Variants in BAZ1A observed in about 807,000 individuals in gnomAD.
BAZ1A encodes the protein bromodomain adjacent to zinc finger domain 1A, also known as bromodomain adjacent to zinc finger domain protein 1A.
BAZ1A carries 50 observed loss-of-function variants against 185.2 expected under a neutral mutation model. The ratio of observed to expected loss-of-function variants is 0.27; its 90% confidence interval spans 0.22 to 0.34. The LOEUF is 0.34. Among genes scored for constraint, BAZ1A ranks in the 10% least tolerant of loss-of-function variants. The pLI is 1.00. For synonymous variants in BAZ1A, 571 were observed against 615.6 expected (o/e 0.93, Z 1.07); for missense variants, 1,356 against 1,839.9 (o/e 0.74, Z 4.81).
In BAZ1A at chr14:34,832,228, A is replaced by ATG. The variant is rs1555343262; in HGVS notation, c.393-6073_393-6072insCA. Reference sequence around the variant, plus strand: ...CACACACACACACATATATATATATATATGTATGTATGTATATTTCCTAAC... The same window carrying ATG: ...CACACACACACACATATATATATATATGTATGTATGTATGTATATTTCCTAAC... On this transcript the variant is annotated intron_variant, in intron 3 of 26. Coordinates refer to ENST00000360310, the MANE Select transcript of BAZ1A (RefSeq NM_013448.3). Among the ~76,000 whole-genome samples the ATG allele has an allele frequency of 4.3e-4, 61 of 143,450 alleles. 3 individuals carry two copies. Among genetic ancestry groups the ATG allele is most frequent in the African/African-American group, 1.3e-3 (52 of 38,928 alleles). 94.1% of individuals were successfully genotyped at this position (143,450 alleles called of 152,430 possible). A position where few individuals can be genotyped will look rare whatever the true frequency, so the allele number is the denominator to read the frequency against.
At chr14:34,850,303 G>A (rs952767615) in intron 3 of BAZ1A, among the ~76,000 whole-genome samples, 8 of 152,000 alleles carry the variant, frequency 5.3e-5, no homozygotes, top group African/African-American at 1.2e-4. Flanking sequence ...GCCTGAGCCC[G>A]GGAAATGGAA....
At chr14:34,860,499 C>T (rs1256938339) in intron 3 of BAZ1A, among the ~76,000 whole-genome samples, 1 of 121,930 alleles carries the variant, frequency 8.2e-6, no homozygotes, top group Admixed American at 8.7e-5. Context: ...CAGAGCCAGA[C>T]CTCATCTATA....
At chr14:34,872,221 A>G (rs1251800473) in intron 2 of BAZ1A, among the ~76,000 whole-genome samples, 2 of 152,222 alleles carry the variant, frequency 1.3e-5, no homozygotes, top group Non-Finnish European at 2.9e-5. Context: ...ATAAGGGAAA[A>G]AACAAAAATT....
chr14:34,859,714 TCTTAC>T (rs2042738302), intron 3 of BAZ1A, among the ~76,000 whole-genome samples: 1 of 152,220 alleles, frequency 6.6e-6, no homozygotes, highest in South Asian at 2.1e-4. Context: ...TTTTTACTAT[TCTTAC>T]CTTACTTACT....
chr14:34,836,622 A>G (rs1247335230), intron 3 of BAZ1A, among the ~76,000 whole-genome samples: 1 of 151,884 alleles, frequency 6.6e-6, no homozygotes, highest in Non-Finnish European at 1.5e-5. Flanking sequence ...TGCCTCATTA[A>G]CCTTTATTTT....
chr14:34,792,824 T>G lies in BAZ1A; in HGVS notation c.1461A>C (p.Glu487Asp). The change falls in exon 12 of 27, where the codon GAA (glutamate) becomes GAC (aspartate). Residue 487 changes from glutamate to aspartate, a missense_variant. Physicochemically the swap from Glu to Asp is conservative, Grantham distance 45 (BLOSUM62 2). Around this residue, in one of 7 missense-constraint regions of BAZ1A, gnomAD observed 184 missense variants for 355.1 expected, o/e 0.52. Transcript: ENST00000360310. ...FLTAIFQAIA[E>D]EEEEVAKEQL... ...GCTCTTTGGCTACTTCCTCTTCTTC[T>G]TCAGCTATTGCCTGGAAGATTGCAG... 1 of 1,614,016 alleles carries G rather than the reference T, an allele frequency of 6.2e-7. No individual in the cohort carries two copies. The highest frequency in any genetic ancestry group is 8.5e-7 in the Non-Finnish European group (1 of 1,179,994).
Position 34,807,398 on chromosome 14 carries a change from C to T in BAZ1A, c.726+53G>A, listed in dbSNP as rs962390575. On this transcript the variant is annotated intron_variant, in intron 6 of 26. Transcript: ENST00000360310. ...TTTCAGCAATGTTATAACTTTATAACACTACCCATTTTGTTTTCTGTCTTC... is the reference window on the plus strand; with the variant it reads ...TTTCAGCAATGTTATAACTTTATAATACTACCCATTTTGTTTTCTGTCTTC... The T allele has an allele frequency of 2.4e-5, 32 of 1,311,036 alleles. No homozygotes were observed. In the Admixed American group the frequency reaches 5.0e-4, roughly 21 times the overall value. 81.2% of individuals were successfully genotyped at this position (1,311,036 alleles called of 1,614,324 possible). A position where few individuals can be genotyped will look rare whatever the true frequency, so the allele number is the denominator to read the frequency against.
At chr14:34,805,826 A>G (rs886715417) in intron 6 of BAZ1A, among the ~76,000 whole-genome samples, 2 of 149,260 alleles carry the variant, frequency 1.3e-5, no homozygotes, top group Non-Finnish European at 1.5e-5. Flanking sequence ...TGCGTTCTTC[A>G]TTGTATTTAC....
chr14:34,812,938 C>A (rs980274960), intron 4 of BAZ1A, among the ~76,000 whole-genome samples: 2 of 151,746 alleles, frequency 1.3e-5, no homozygotes, highest in Non-Finnish European at 2.9e-5. Flanking sequence ...TAAATATGCA[C>A]CTGTACTATA....
At chr14:34,831,021 A>G (rs996733666) in intron 3 of BAZ1A, among the ~76,000 whole-genome samples, 1 of 152,108 alleles carries the variant, frequency 6.6e-6, no homozygotes, top group East Asian at 1.9e-4. Context: ...ATTAACTACA[A>G]ATATTCTAAG....
chr14:34,817,232 C>T (rs2042019673), intron 4 of BAZ1A, among the ~76,000 whole-genome samples: 1 of 148,132 alleles, frequency 6.8e-6, no homozygotes, highest in African/African-American at 2.6e-5. Flanking sequence ...ATCAATACAC[C>T]CCCCCCCAAA....
chr14:34,875,243 C>T lies in BAZ1A; in HGVS notation c.-164G>A, dbSNP rs1594928086. The T allele has an allele frequency of 2.2e-6, 1 of 454,232 alleles. No homozygotes were observed. The highest frequency in any genetic ancestry group is 4.4e-6 in the Non-Finnish European group (1 of 226,182). The allele number at this position is 454,232 out of a possible 1,614,324, so 28.1% of individuals were successfully genotyped here. A position where few individuals can be genotyped will look rare whatever the true frequency, so the allele number is the denominator to read the frequency against. On this transcript the variant is annotated 5_prime_UTR_variant, in exon 1 of 27. Coordinates refer to ENST00000360310, the MANE Select transcript of BAZ1A (RefSeq NM_013448.3). ...GCCTCTCTCCGGCCCCGCCGCGCCC[C>T]TGGCTGCCGCTTCTCCCGCTGCCAC...
chr14:34,841,264 C>T (rs2042410280), intron 3 of BAZ1A, among the ~76,000 whole-genome samples: 1 of 152,186 alleles, frequency 6.6e-6, no homozygotes, highest in African/African-American at 2.4e-5. Context: ...AAAATGTAAA[C>T]ATCAGCCCAT....
chr14:34,757,118 A>C (rs550055952), intron 25 of BAZ1A, among the ~76,000 whole-genome samples: 9 of 152,304 alleles, frequency 5.9e-5, no homozygotes, highest in Admixed American at 5.9e-4. Context: ...TAATCCCAGC[A>C]CTTTGGGAGG....
chr14:34,803,607 G>T (rs1881696004), intron 6 of BAZ1A, among the ~76,000 whole-genome samples: 1 of 143,828 alleles, frequency 7.0e-6, no homozygotes, highest in South Asian at 2.3e-4. Flanking sequence ...AATTTGTTTT[G>T]CTTTGACAAA....
intron 9 of BAZ1A, among the ~76,000 whole-genome samples, chr14:34,798,840 T>C (rs1024381460): frequency 6.6e-6 from 1 of 152,082 alleles, no homozygotes; most frequent in Middle Eastern, 3.2e-3. Flanking sequence ...TCCTCAAGGA[T>C]CTAGAACCAG....
At chr14:34,835,572 T>C (rs2042314918) in intron 3 of BAZ1A, among the ~76,000 whole-genome samples, 1 of 151,878 alleles carries the variant, frequency 6.6e-6, no homozygotes, top group Non-Finnish European at 1.5e-5. Context: ...CTTAAACACA[T>C]TTCAGAGTGA....
At chr14:34,845,779 T>A (rs985714960) in intron 3 of BAZ1A, among the ~76,000 whole-genome samples, 1 of 150,086 alleles carries the variant, frequency 6.7e-6, no homozygotes, top group Non-Finnish European at 1.5e-5. Flanking sequence ...GAGAATCACT[T>A]GAACCCAGGA....
chr14:34,779,845 G>C (rs528383526), intron 17 of BAZ1A, among the ~76,000 whole-genome samples: 2 of 152,058 alleles, frequency 1.3e-5, no homozygotes, highest in South Asian at 4.1e-4. Flanking sequence ...ATTTCTATTT[G>C]GCCCAAAAAA....
Sources: gnomAD v4.1 joint callset for allele counts (sites outside exome capture counted in the v4.1 genomes callset) on GRCh38, gnomAD v4.1.1 for gene constraint, gnomAD v4.1.1 regional missense constraint, MANE v1.5 for transcripts, NCBI Gene and HGNC (gene_info 2026-07-23, HGNC 2026-07-21) for gene names.